Variants in CLK3 observed in about 807,000 individuals in gnomAD.
CLK3 encodes the protein CDC like kinase 3.
Under a neutral mutation model 65.2 loss-of-function variants are expected in CLK3, and 24 were observed. That is an observed-to-expected ratio of 0.37 (90% CI 0.27 to 0.52). CLK3 has a LOEUF of 0.52. CLK3 is among the 20% of genes least tolerant of loss of function. The pLI is 0.92. For missense variants in CLK3, 506 were observed against 660.0 expected, an observed-to-expected ratio of 0.77 and a Z score of 2.56; for synonymous variants, 252 against 240.8, an observed-to-expected ratio of 1.05 and a Z score of -0.43.
At chr15:74,625,704 G>T in intron 6 of CLK3, 98 bp from the exon 7 acceptor site, 2 of 1,289,128 alleles carry the variant, frequency 1.6e-6, no homozygotes, top group Non-Finnish European at 2.2e-6. Context: ...GTGTGACCCG[G>T]TGGCCTAGGA....
intron 1 of CLK3, 70 bp downstream of exon 1, chr15:74,615,968 C>A: frequency 1.8e-6 from 2 of 1,112,874 alleles, no homozygotes; most frequent in Non-Finnish European, 2.3e-6. Context: ...GCGGGGCAGG[C>A]GCGCTGGTGC....
At chr15:74,615,552 T>C, upstream of CLK3, 1 of 1,274,432 alleles carries the variant, frequency 7.8e-7, no homozygotes, top group Non-Finnish European at 9.9e-7. Flanking sequence ...GGGCCCCACC[T>C]CTCGGCTCTG....
upstream of CLK3, chr15:74,615,726 C>T (rs975580017): frequency 1.6e-6 from 2 of 1,238,692 alleles, no homozygotes; most frequent in Non-Finnish European, 2.0e-6. Context: ...TGCCCCGGAG[C>T]CTTCGAGTCG....
At position 74,627,817 on chromosome 15, in the gene CLK3, C is replaced by T; in HGVS notation, c.1042+149C>T. The T allele has an allele frequency of 7.9e-7, 1 of 1,268,148 alleles. No homozygotes were observed. The highest frequency in any genetic ancestry group is 1.1e-6 in the Non-Finnish European group (1 of 884,650). 78.6% of individuals were successfully genotyped at this position (1,268,148 alleles called of 1,614,324 possible). On this transcript the variant is annotated intron_variant, in intron 9 of 12. Coordinates refer to ENST00000395066, the MANE Select transcript of CLK3 (RefSeq NM_001130028.2). This position sits in a 1 kb window ranked among gnomAD's most constrained non-coding sequence, Gnocchi z 4.3. The stretch of plus-strand genomic sequence containing the variant: ...GGCCAGTGTCATGAGACACAGGTGA[C>T]TGACCTGGCTTTATCTGTCAGCCTT...
chr15:74,620,385 G>A, intron 3 of CLK3, 160 bp downstream of exon 3: 1 of 995,120 alleles, frequency 1.0e-6, no homozygotes, highest in Non-Finnish European at 1.5e-6. Flanking sequence ...CAGGTGTAGG[G>A]CTGATCACAG....
At position 74,625,801 on chromosome 15, in the gene CLK3, G is replaced by GC; in HGVS notation, c.652dup (p.Leu218ProfsTer7). On this transcript the variant is annotated frameshift_variant and splice_region_variant. Coordinates refer to ENST00000395066, the MANE Select transcript of CLK3 (RefSeq NM_001130028.2). LOFTEE classifies it high-confidence loss of function. The stretch of plus-strand genomic sequence containing the variant: ...GAGCCCTGCCCATCCTCCTCCTCCA[G>GC]CCTGTGTGTCTTGATGTCTGACTGG... 1 of 1,614,034 alleles carries GC rather than the reference G, an allele frequency of 6.2e-7. No homozygotes were observed. The highest frequency in any genetic ancestry group is 8.5e-7 in the Non-Finnish European group (1 of 1,179,990).
In CLK3 at chr15:74,621,662, C is replaced by G; in HGVS notation, c.370-458C>G. 1 of 313,756 alleles carries G rather than the reference C, an allele frequency of 3.2e-6. No individual in the cohort carries two copies. The highest frequency in any genetic ancestry group is 4.2e-5 in the Admixed American group (1 of 23,848). The allele number at this position is 313,756 out of a possible 1,614,324, so 19.4% of individuals were successfully genotyped here. Reference sequence around the variant, plus strand: ...CTGGATGGTTGGACCCAGGCGGGGCCAGCTGCCTTCTTGCGCCGCCGTTCT... The same window carrying G: ...CTGGATGGTTGGACCCAGGCGGGGCGAGCTGCCTTCTTGCGCCGCCGTTCT... On this transcript the variant is annotated intron_variant, in intron 3 of 12. Transcript: ENST00000395066. This position sits in a 1 kb window ranked among gnomAD's most constrained non-coding sequence, Gnocchi z 4.8.
rs2062180180 is a variant in CLK3 at position 74,629,937 on chromosome 15, C to A, written c.*54C>A. The A allele has an allele frequency of 6.5e-7, 1 of 1,530,466 alleles. No individual in the cohort carries two copies. 94.8% of individuals were successfully genotyped at this position (1,530,466 alleles called of 1,614,324 possible). A position where few individuals can be genotyped will look rare whatever the true frequency, so the allele number is the denominator to read the frequency against. On this transcript the variant is annotated 3_prime_UTR_variant, in exon 13 of 13. Coordinates refer to ENST00000395066, the MANE Select transcript of CLK3 (RefSeq NM_001130028.2). ...GAGGGCGGGACTGGGCCGCCCAGCC[C>A]CTTGACTCCAGCCTCGACCGCCAGG...
rs753309935 is a variant in CLK3, at chr15:74,629,929, G to A, written c.*46G>A. ...AGGAGATGGAGGGCGGGACTGGGCC[G>A]CCCAGCCCCTTGACTCCAGCCTCGA... On this transcript the variant is annotated 3_prime_UTR_variant, in exon 13 of 13. Transcript: ENST00000395066. 47 of 1,548,860 alleles carry A rather than the reference G, an allele frequency of 3.0e-5. No homozygotes were observed. Among genetic ancestry groups the A allele is most frequent in the East Asian group, 1.2e-4 (5 of 42,180 alleles).
In CLK3 at chr15:74,620,821, G is replaced by C. The variant is rs188212066; in HGVS notation, c.369+596G>C. On this transcript the variant is annotated intron_variant, in intron 3 of 12. Transcript: ENST00000395066. ...CCGAGCCTCTTTACGAGGGGCAGTC[G>C]CGGTGAGGAGGGGCAGGTGCCTGTG... is the stretch of plus-strand genomic sequence containing the variant. 3 of 153,822 alleles carry C rather than the reference G, an allele frequency of 2.0e-5. 1 individual carries two copies. The East Asian group carries it at 5.7e-4, about 29-fold the overall frequency. The allele number at this position is 153,822 out of a possible 1,614,324, so 9.5% of individuals were successfully genotyped here.
chr15:74,614,668 G>C (rs1042396485), upstream of CLK3, among the ~76,000 whole-genome samples: 1 of 152,194 alleles, frequency 6.6e-6, no homozygotes, highest in Non-Finnish European at 1.5e-5. Flanking sequence ...GCTCGGAAGC[G>C]GGGGGCTCCC....
intron 10 of CLK3, 36 bp downstream of exon 10, chr15:74,628,088 A>T (rs367619618): frequency 1.1e-4 from 163 of 1,428,368 alleles, no homozygotes; most frequent in Non-Finnish European, 1.5e-4. Context: ...TACCCTGAGT[A>T]CTGCTACTGT....
Position 74,622,586 on chromosome 15 carries a change from G to T in CLK3, c.533+26G>T. 6.4e-7 allele frequency: 1 copy of T among 1,570,448 alleles called. No homozygotes were observed. The highest frequency in any genetic ancestry group is 8.7e-7 in the Non-Finnish European group (1 of 1,153,714). ...GTGAGCGAGCTGCGGCAGTACAGCT[G>T]GCTCCGGATGTGATCTTCCTGGGAA... On this transcript the variant is annotated intron_variant, in intron 5 of 12. Transcript: ENST00000395066. The surrounding 1 kb of genome is among the most constrained non-coding windows in gnomAD (Gnocchi z 4.6).
upstream of CLK3, chr15:74,613,255 T>C (rs2141529591): frequency 1.3e-5 from 2 of 152,262 alleles, no homozygotes; most frequent in South Asian, 4.2e-4. Flanking sequence ...TTTGGGAGGA[T>C]GCAGGGCAGC....
intron 6 of CLK3, 120 bp from the exon 7 acceptor site, chr15:74,625,682 C>G (rs1160530778): frequency 5.0e-6 from 5 of 997,262 alleles, no homozygotes; most frequent in Non-Finnish European, 7.7e-6. Flanking sequence ...CTGTGTGTAT[C>G]TGCATTCTGG....
rs148159573 is a variant in CLK3, at chr15:74,619,252, G to T, written c.56G>T (p.Arg19Leu). 3 of 1,614,200 alleles carry T rather than the reference G, an allele frequency of 1.9e-6. No individual in the cohort carries two copies. Among genetic ancestry groups the T allele is most frequent in the Non-Finnish European group, 2.5e-6 (3 of 1,180,034 alleles). The change falls in exon 2 of 13, where the codon CGA becomes CTA. Residue 19 changes from arginine to leucine, a missense_variant. By Grantham distance (102) the Arg-to-Leu change is moderately radical. Around this residue, in one of 2 missense-constraint regions of CLK3, gnomAD observed 181 missense variants for 159.4 expected, o/e 1.14. Transcript: ENST00000395066. ...GAACCAGACCCGTACCTGAGCTACC[G>T]ATGGAAGAGGAGGAGGTCCTACAGT... ...SPEPDPYLSY[R>L]WKRRRSYSRE... is the part of the protein sequence containing the mutation.
intron 1 of CLK3, 164 bp downstream of exon 1, chr15:74,616,062 G>C (rs1006547751): frequency 5.8e-6 from 3 of 518,490 alleles, no homozygotes; most frequent in Non-Finnish European, 8.9e-6. Context: ...CGCTGCTTCT[G>C]CCCCGGAGGG....
At chr15:74,628,886 C>A in intron 11 of CLK3, 56 bp from the exon 12 acceptor site, 1 of 1,317,806 alleles carries the variant, frequency 7.6e-7, no homozygotes. Context: ...CCACCTCCCA[C>A]CAGAGGCTTG....
Position 74,624,504 on chromosome 15 carries a change from G to A in CLK3, c.534-398G>A, listed in dbSNP as rs1468472400. 2.5e-5 allele frequency: 5 copies of A among 201,870 alleles called. No individual in the cohort carries two copies. Among genetic ancestry groups the A allele is most frequent in the Non-Finnish European group, 5.1e-5 (5 of 97,772 alleles). The allele number at this position is 201,870 out of a possible 1,614,324, so 12.5% of individuals were successfully genotyped here. A position where few individuals can be genotyped will look rare whatever the true frequency, so the allele number is the denominator to read the frequency against. The stretch of plus-strand genomic sequence containing the variant: ...GCAGACAAGCTCAGGAAGGTCAAGA[G>A]GCGCCGCAGGAGGGTTCTCGGTGGG... On this transcript the variant is annotated intron_variant, in intron 5 of 12. Transcript: ENST00000395066. This position sits in a 1 kb window ranked among gnomAD's most constrained non-coding sequence, Gnocchi z 4.2.
Sources: allele counts gnomAD v4.1 joint callset (sites outside exome capture counted in the v4.1 genomes callset), GRCh38; gene constraint gnomAD v4.1.1; regional missense constraint gnomAD v4.1.1; non-coding constraint Gnocchi (gnomAD v3.1); transcripts MANE v1.5; gene names NCBI Gene and HGNC (gene_info 2026-07-23, HGNC 2026-07-21).